Variants in SLC7A2 observed in about 807,000 individuals in gnomAD.
SLC7A2 encodes the protein cationic amino acid transporter 2.
In SLC7A2, 48 loss-of-function variants were observed where a neutral mutation model predicts 58.9. The ratio of observed to expected loss-of-function variants is 0.82; its 90% CI spans 0.65 to 1.04. The LOEUF (loss-of-function observed/expected upper bound fraction) is 1.04, where lower values mean the gene tolerates loss of function less well. Ranked by LOEUF, SLC7A2 falls within the 50% of genes least tolerant of loss-of-function variation. The probability of loss-of-function intolerance (pLI) is 0.00; values close to 1 mark genes in which losing one functional copy is unlikely to be tolerated. For synonymous variants in SLC7A2, 363 were observed against 314.5 expected (o/e 1.15, Z -1.63); for missense variants, 1,029 against 818.8 (o/e 1.26, Z -3.13).
intron 1 of SLC7A2, chr8:17,500,429 A>G (rs1476929112): frequency 6.6e-6 from 1 of 152,108 alleles, no homozygotes; most frequent in Admixed American, 6.5e-5. Context: ...GATATTGACA[A>G]AACGCAGCCA....
chr8:17,510,546 C>G (rs929144843), intron 2 of SLC7A2: 3 of 152,136 alleles, frequency 2.0e-5, no homozygotes, highest in African/African-American at 7.2e-5. Context: ...GATATGGTAT[C>G]TCATTGTGGT....
At chr8:17,551,166 C>A (rs894156498) in intron 6 of SLC7A2, among the ~76,000 whole-genome samples, 1 of 152,092 alleles carries the variant, frequency 6.6e-6, no homozygotes, top group Non-Finnish European at 1.5e-5. Flanking sequence ...TGCTATGTTA[C>A]GGGTTTTGGT....
Position 17,568,096 on chromosome 8 carries a change from T to C in SLC7A2, c.*2950T>C, listed in dbSNP as rs778878106. ...AGTAATCAATCAAAATTATATAAAG[T>C]CTTCTCCAGTAATTAAGAAATACAT... On this transcript the variant is annotated 3_prime_UTR_variant, in exon 13 of 13. Transcript: ENST00000494857. The C allele has an allele frequency of 6.6e-6, 1 of 152,146 alleles. No homozygotes were observed. Among genetic ancestry groups the C allele is most frequent in the Non-Finnish European group, 1.5e-5 (1 of 68,032 alleles). 9.4% of individuals were successfully genotyped at this position (152,146 alleles called of 1,614,324 possible). A position where few individuals can be genotyped will look rare whatever the true frequency, so the allele number is the denominator to read the frequency against.
At chr8:17,549,821 A>C (rs923057547) in intron 5 of SLC7A2, among the ~76,000 whole-genome samples, 1 of 152,246 alleles carries the variant, frequency 6.6e-6, no homozygotes, top group Non-Finnish European at 1.5e-5. Flanking sequence ...ATTCAATTTC[A>C]TTATTATCAA....
intron 2 of SLC7A2, among the ~76,000 whole-genome samples, chr8:17,541,866 G>A (rs981260828): frequency 7.9e-5 from 12 of 152,232 alleles, no homozygotes; most frequent in Middle Eastern, 3.4e-3. Context: ...ATATGCCTAT[G>A]TATTTTTTCT....
At chr8:17,517,047 T>C (rs1468358277) in intron 2 of SLC7A2, among the ~76,000 whole-genome samples, 6 of 152,154 alleles carry the variant, frequency 3.9e-5, no homozygotes, top group African/African-American at 1.4e-4. Flanking sequence ...GGCATTAAGG[T>C]GGGAATTCTA....
chr8:17,497,861 A>G (rs1031323215), intron 1 of SLC7A2, among the ~76,000 whole-genome samples: 1 of 152,190 alleles, frequency 6.6e-6, no homozygotes, highest in African/African-American at 2.4e-5. Flanking sequence ...GCTGTATTTT[A>G]TAAGCCCGTT....
chr8:17,501,831 C>G (rs542686799), intron 1 of SLC7A2, among the ~76,000 whole-genome samples: 4 of 151,086 alleles, frequency 2.6e-5, no homozygotes, highest in South Asian at 2.1e-4. Flanking sequence ...GATTCAGTAT[C>G]GGGAAGGCGA....
At chr8:17,555,689 T>C (rs1432829049) in intron 8 of SLC7A2, among the ~76,000 whole-genome samples, 1 of 152,274 alleles carries the variant, frequency 6.6e-6, no homozygotes, top group East Asian at 1.9e-4. Flanking sequence ...TCCAACTCCA[T>C]CAGGAATCTA....
In SLC7A2 at chr8:17,544,074, TGAC is replaced by T. The variant is rs556277058; in HGVS notation, c.376+360_376+362del. ...TAGTAAAGACGGGGTTTCACCATGT[TGAC>T]CAAGCTGGTCTCGAACTCCTGACCT... On this transcript the variant is annotated intron_variant, in intron 3 of 12. Transcript: ENST00000494857. Among the ~76,000 whole-genome samples the T allele has an allele frequency of 6.6e-5, 10 of 152,302 alleles. No individual in the cohort carries two copies. In the South Asian group the frequency reaches 2.1e-3, roughly 32 times the overall value.
Position 17,565,051 on chromosome 8 carries a change from G to C in SLC7A2, c.1882G>C (p.Ala628Pro), listed in dbSNP as rs370916645. 9.3e-6 allele frequency: 15 copies of C among 1,613,710 alleles called. No individual in the cohort carries two copies. The highest frequency in any genetic ancestry group is 3.4e-6 in the Non-Finnish European group (4 of 1,179,852). ...TGCTTATCCAGACAACGTTCATGCA[G>C]CAGCAGAAGAAAAATCTGCCATTCA... ...EDAYPDNVHAAAEEKSAIQAN... is the reference protein window; with the variant it reads ...EDAYPDNVHAPAEEKSAIQAN... The change falls in exon 13 of 13, where the codon GCA (alanine) becomes CCA (proline). Residue 628 changes from alanine to proline, a missense_variant. By Grantham distance (27) the Ala-to-Pro change is conservative (BLOSUM62 -1). Coordinates refer to ENST00000494857, the MANE Select transcript of SLC7A2 (RefSeq NM_001370338.1).
intron 12 of SLC7A2, among the ~76,000 whole-genome samples, chr8:17,564,035 T>G (rs1803150169): frequency 6.6e-6 from 1 of 152,222 alleles, no homozygotes; most frequent in Non-Finnish European, 1.5e-5. Context: ...TGCCTACATG[T>G]CTGCAGTGAT....
chr8:17,534,241 T>C (rs1479284850), intron 2 of SLC7A2, among the ~76,000 whole-genome samples: 4 of 152,188 alleles, frequency 2.6e-5, no homozygotes, highest in Admixed American at 2.0e-4. Flanking sequence ...TTGGCATCCT[T>C]GAGTTAGCTC....
intron 2 of SLC7A2, among the ~76,000 whole-genome samples, chr8:17,542,673 G>A (rs1801964935): frequency 6.6e-6 from 1 of 150,676 alleles, no homozygotes. Context: ...AAAAGAACCT[G>A]AGTTAAATGG....
chr8:17,565,157 A>G lies in SLC7A2; in HGVS notation c.*11A>G, dbSNP rs760846248. 6.2e-7 allele frequency: 1 copy of G among 1,601,564 alleles called. No individual in the cohort carries two copies. The highest frequency in any genetic ancestry group is 2.2e-5 in the East Asian group (1 of 44,628). ...ACAAGTGAATTCTAACACTTGCAGG[A>G]GCAGAGCTGGTCATCGTCTTAGCAT... is the stretch of plus-strand genomic sequence containing the variant. On this transcript the variant is annotated 3_prime_UTR_variant, in exon 13 of 13. Transcript: ENST00000494857.
intron 2 of SLC7A2, among the ~76,000 whole-genome samples, chr8:17,509,656 A>G (rs1214616012): frequency 6.6e-6 from 1 of 152,072 alleles, no homozygotes; most frequent in Non-Finnish European, 1.5e-5. Flanking sequence ...GAGTGCAATC[A>G]TTTTTATTTT....
At chr8:17,532,247 A>AAAAC (rs1801487325) in intron 2 of SLC7A2, among the ~76,000 whole-genome samples, 1 of 124,678 alleles carries the variant, frequency 8.0e-6, no homozygotes, top group African/African-American at 2.7e-5. Flanking sequence ...AAAAAAAAAA[A>AAAAC]AAAAAAAAAA....
rs61512531 is a variant in SLC7A2, at chr8:17,520,641, TAA to T, written c.-23+18367_-23+18368del. On this transcript the variant is annotated intron_variant, in intron 2 of 12. Coordinates refer to ENST00000494857, the MANE Select transcript of SLC7A2 (RefSeq NM_001370338.1). Reference sequence around the variant, plus strand: ...GGGCAACAGAGTGAGACTCTGTCTTTAAAAAAAAAAAAAAAAAAAAAAAAAAA... The same window carrying T: ...GGGCAACAGAGTGAGACTCTGTCTTTAAAAAAAAAAAAAAAAAAAAAAAAA... 62 of 61,118 alleles carry T rather than the reference TAA, an allele frequency of 1.0e-3. 1 individual carries two copies. The highest frequency in any genetic ancestry group is 0.014 in the Middle Eastern group (1 of 74). 3.8% of individuals were successfully genotyped at this position (61,118 alleles called of 1,614,324 possible).
chr8:17,569,009 T>C lies in SLC7A2; in HGVS notation c.*3863T>C, dbSNP rs1803395189. 6.6e-6 allele frequency: 1 copy of C among 152,142 alleles called. No homozygotes were observed. Among genetic ancestry groups the C allele is most frequent in the Admixed American group, 6.5e-5 (1 of 15,274 alleles). 9.4% of individuals were successfully genotyped at this position (152,142 alleles called of 1,614,324 possible). On this transcript the variant is annotated 3_prime_UTR_variant, in exon 13 of 13. Coordinates refer to ENST00000494857, the MANE Select transcript of SLC7A2 (RefSeq NM_001370338.1). The stretch of plus-strand genomic sequence containing the variant: ...AAACACTTTAATTAGAATCTATTTT[T>C]ACCTATTTTCTAAATTTATTTAAAT...
Sources: allele counts gnomAD v4.1 joint callset (sites outside exome capture counted in the v4.1 genomes callset), GRCh38; gene constraint gnomAD v4.1.1; transcripts MANE v1.5; gene names NCBI Gene and HGNC (gene_info 2026-07-23, HGNC 2026-07-21).